Variants in TXNRD1 observed in about 807,000 individuals in gnomAD.
TXNRD1 encodes thioredoxin reductase 1.
A neutral mutation model predicts 80.3 loss-of-function variants in TXNRD1; 57 were observed. That is an observed-to-expected ratio of 0.71 (90% CI 0.57 to 0.89). The LOEUF (loss-of-function observed/expected upper bound fraction) is 0.89. TXNRD1 is among the 40% of genes least tolerant of loss of function. The probability of loss-of-function intolerance (pLI) is 0.00; values close to 1 mark genes in which losing one functional copy is unlikely to be tolerated. For missense variants in TXNRD1, 730 were observed against 803.0 expected, an observed-to-expected ratio of 0.91 and a Z score of 1.10; for synonymous variants, 291 against 285.2, an observed-to-expected ratio of 1.02 and a Z score of -0.20.
At chr12:104,332,749 C>CA (rs34106883) in intron 14 of TXNRD1, among the ~76,000 whole-genome samples, 9,789 of 76,596 alleles carry the variant, frequency 0.13, 800 homozygotes, top group African/African-American at 0.22. Flanking sequence ...AACTCCGTCT[C>CA]AAAAAAAAAA....
intron 15 of TXNRD1, among the ~76,000 whole-genome samples, chr12:104,336,150 A>T (rs2036134157): frequency 6.6e-6 from 1 of 152,196 alleles, no homozygotes; most frequent in Admixed American, 6.5e-5. Flanking sequence ...GAGAGACTTC[A>T]ATTGCTCATA....
At chr12:104,272,510 A>G (rs1182006545) in intron 3 of TXNRD1, among the ~76,000 whole-genome samples, 1 of 152,126 alleles carries the variant, frequency 6.6e-6, no homozygotes, top group Non-Finnish European at 1.5e-5. Context: ...GTAGAAGGCA[A>G]AAGTCCCGGC....
intron 3 of TXNRD1, among the ~76,000 whole-genome samples, chr12:104,259,386 C>T (rs2033317272): frequency 6.6e-6 from 1 of 150,914 alleles, no homozygotes; most frequent in South Asian, 2.1e-4. Flanking sequence ...GTCTCAGAAC[C>T]ACAACAACAA....
chr12:104,232,305 A>G lies in TXNRD1; in HGVS notation c.91+16412A>G, dbSNP rs1318698826. On this transcript the variant is annotated intron_variant, in intron 1 of 16. Coordinates refer to ENST00000525566, the MANE Select transcript of TXNRD1 (RefSeq NM_001093771.3). ...TAGGCTGGCACGGTGGCTCATGCCTATAATCCCAACACTTTGGGAGGCCGA... is the reference window on the plus strand; with the variant it reads ...TAGGCTGGCACGGTGGCTCATGCCTGTAATCCCAACACTTTGGGAGGCCGA... Among the ~76,000 whole-genome samples, 3 of 152,140 alleles carry G rather than the reference A, an allele frequency of 2.0e-5. No homozygotes were observed. The East Asian group carries it at 5.8e-4, about 29-fold the overall frequency.
rs1228708455 is a variant in TXNRD1 at position 104,323,406 on chromosome 12, T to C, written c.1216-1931T>C. ...CGGGGCGGCTGGCCGGGCGGGGGGC[T>C]GACCCCCCACCTCCCTCCCGGACGG... On this transcript the variant is annotated intron_variant, in intron 10 of 16. Transcript: ENST00000525566. Among the ~76,000 whole-genome samples, 1,334 of 145,092 alleles carry C rather than the reference T, an allele frequency of 9.2e-3. 21 individuals carry two copies. The highest frequency in any genetic ancestry group is 0.032 in the African/African-American group (1,259 of 38,948).
At chr12:104,225,715 C>CTTT (rs35057067) in intron 1 of TXNRD1, among the ~76,000 whole-genome samples, 39 of 141,516 alleles carry the variant, frequency 2.8e-4, no homozygotes, top group African/African-American at 9.6e-4. Context: ...AATTAAACCT[C>CTTT]TTTTTTTTTT....
chr12:104,215,995 C>A lies in TXNRD1; in HGVS notation c.91+102C>A, dbSNP rs536306365. 3.0e-6 allele frequency: 3 copies of A among 1,001,884 alleles called. No homozygotes were observed. The African/African-American group carries it at 5.0e-5, about 17-fold the overall frequency. 62.1% of individuals were successfully genotyped at this position (1,001,884 alleles called of 1,614,324 possible). On this transcript the variant is annotated intron_variant, in intron 1 of 16. Transcript: ENST00000525566. The stretch of plus-strand genomic sequence containing the variant: ...TGCCCCGGAGCCCTGGCCTTGAAGC[C>A]CCTCACTGGAGTCAGTGACTGACCG...
chr12:104,236,763 G>A (rs2032746082), intron 1 of TXNRD1, among the ~76,000 whole-genome samples: 1 of 143,938 alleles, frequency 6.9e-6, no homozygotes, highest in Non-Finnish European at 1.5e-5. Flanking sequence ...ATGCCAGCCT[G>A]GGCAACAAGA....
intron 3 of TXNRD1, 90 bp from the exon 4 acceptor site, chr12:104,288,841 C>G (rs747626652): frequency 6.2e-7 from 1 of 1,611,052 alleles, no homozygotes; most frequent in Non-Finnish European, 8.5e-7. Flanking sequence ...CCTGCGGGGC[C>G]GGGACGGAAG....
chr12:104,215,979 G>T lies in TXNRD1; in HGVS notation c.91+86G>T, dbSNP rs2032198264. On this transcript the variant is annotated intron_variant, in intron 1 of 16. Transcript: ENST00000525566. ...GGGGTTGGGGATAAAGTGCCCCGGA[G>T]CCCTGGCCTTGAAGCCCCTCACTGG... is the stretch of plus-strand genomic sequence containing the variant. 5.9e-6 allele frequency: 7 copies of T among 1,195,078 alleles called. No homozygotes were observed. The East Asian group carries it at 1.6e-4, about 27-fold the overall frequency. 74.0% of individuals were successfully genotyped at this position (1,195,078 alleles called of 1,614,324 possible).
At chr12:104,286,057 G>C (rs959269750) in intron 3 of TXNRD1, 4 of 152,260 alleles carry the variant, frequency 2.6e-5, no homozygotes, top group Non-Finnish European at 5.9e-5. Context: ...GCAGGACCTG[G>C]CAGTGGTTGC....
intron 1 of TXNRD1, among the ~76,000 whole-genome samples, chr12:104,232,328 C>T (rs142045453): frequency 0.012 from 1,766 of 152,106 alleles, 43 homozygotes; most frequent in African/African-American, 0.04. Flanking sequence ...TTTGGGAGGC[C>T]GAGGTGGGCA....
In TXNRD1 at chr12:104,282,127, G is replaced by T. The variant is rs182275040; in HGVS notation, c.305-6804G>T. Among the ~76,000 whole-genome samples, 8 of 152,338 alleles carry T rather than the reference G, an allele frequency of 5.3e-5. No individual in the cohort carries two copies. The East Asian group carries it at 1.3e-3, about 26-fold the overall frequency. On this transcript the variant is annotated intron_variant, in intron 3 of 16. Transcript: ENST00000525566. ...AGTATGTCTGAAGAACAAAGAGAAGGTTAGAGGTTTTAGAAACAGGAGAGC... is the reference window on the plus strand; with the variant it reads ...AGTATGTCTGAAGAACAAAGAGAAGTTTAGAGGTTTTAGAAACAGGAGAGC...
chr12:104,256,141 A>G (rs1252728427), intron 2 of TXNRD1, among the ~76,000 whole-genome samples: 2 of 152,210 alleles, frequency 1.3e-5, no homozygotes, highest in African/African-American at 4.8e-5. Context: ...CAACTGGGAT[A>G]TGAGTAAATC....
chr12:104,292,395 C>T (rs200813721), intron 4 of TXNRD1, among the ~76,000 whole-genome samples: 1 of 146,046 alleles, frequency 6.8e-6, no homozygotes, highest in Non-Finnish European at 1.5e-5. Context: ...GCCCCCCCGC[C>T]TTTTTTTTTT....
intron 3 of TXNRD1, among the ~76,000 whole-genome samples, chr12:104,258,540 T>G (rs938520837): frequency 6.6e-6 from 1 of 152,092 alleles, no homozygotes; most frequent in Non-Finnish European, 1.5e-5. Context: ...AGAGAAAGAT[T>G]GGTGGAGTAA....
At chr12:104,330,807 C>T (rs1434844780) in intron 13 of TXNRD1, among the ~76,000 whole-genome samples, 5 of 151,998 alleles carry the variant, frequency 3.3e-5, no homozygotes, top group South Asian at 4.1e-4. Context: ...AGGCTGGTCT[C>T]GAACTCCTGA....
At chr12:104,276,113 A>G (rs2033751644) in intron 3 of TXNRD1, among the ~76,000 whole-genome samples, 1 of 152,200 alleles carries the variant, frequency 6.6e-6, no homozygotes, top group African/African-American at 2.4e-5. Context: ...AGAGATTTAC[A>G]AAAGAGGAGA....
intron 3 of TXNRD1, among the ~76,000 whole-genome samples, chr12:104,267,659 T>C (rs1457099902): frequency 3.2e-5 from 1 of 31,196 alleles, no homozygotes; most frequent in African/African-American, 1.4e-4. Flanking sequence ...CTTTCTTTCT[T>C]TCTTTCTTTC....
Sources: gnomAD v4.1 joint callset for allele counts (sites outside exome capture counted in the v4.1 genomes callset) on GRCh38, gnomAD v4.1.1 for gene constraint, MANE v1.5 for transcripts, NCBI Gene and HGNC (gene_info 2026-07-23, HGNC 2026-07-21) for gene names.